DPP10: variants seen among roughly 807,000 people sequenced by gnomAD.
The protein encoded by DPP10 is dipeptidyl peptidase like 10, also known as inactive dipeptidyl peptidase 10.
DPP10 carries 33 observed loss-of-function variants against 120.9 expected under a neutral mutation model. The ratio of observed to expected loss-of-function variants is 0.27; its 90% confidence interval spans 0.21 to 0.37. The LOEUF (loss-of-function observed/expected upper bound fraction) is 0.37, where lower values mean the gene tolerates loss of function less well. Ranked by LOEUF, DPP10 falls within the 10% of genes least tolerant of loss-of-function variation. DPP10 has a pLI of 1.00. For synonymous variants in DPP10, 337 were observed against 326.1 expected (o/e 1.03, Z -0.36); for missense variants, 816 against 942.8 (o/e 0.87, Z 1.76).
At chr2:114,706,383 A>G (rs1261642517) in intron 1 of DPP10, among the ~76,000 whole-genome samples, 1 of 152,222 alleles carries the variant, frequency 6.6e-6, no homozygotes, top group Non-Finnish European at 1.5e-5. Context: ...TCTGGAAGCC[A>G]GAATTCAAAA....
intron 13 of DPP10, among the ~76,000 whole-genome samples, chr2:115,774,565 G>A (rs570181772): frequency 1.4e-4 from 21 of 152,004 alleles, no homozygotes; most frequent in African/African-American, 5.1e-4. Flanking sequence ...TCACAAATTG[G>A]GTGTCTTTGC....
At chr2:115,225,804 A>T (rs1381914686) in intron 1 of DPP10, among the ~76,000 whole-genome samples, 1 of 150,288 alleles carries the variant, frequency 6.7e-6, no homozygotes, top group Non-Finnish European at 1.5e-5. Flanking sequence ...ATTGAAAAAG[A>T]TTTTTTTTTT....
chr2:115,593,174 G>A (rs574197851), intron 5 of DPP10, among the ~76,000 whole-genome samples: 1 of 152,148 alleles, frequency 6.6e-6, no homozygotes, highest in Non-Finnish European at 1.5e-5. Flanking sequence ...AAACAATTGT[G>A]TCTCATTCCA....
At chr2:114,653,391 G>A (rs1161676088) in intron 1 of DPP10, among the ~76,000 whole-genome samples, 1 of 152,054 alleles carries the variant, frequency 6.6e-6, no homozygotes, top group African/African-American at 2.4e-5. Flanking sequence ...TGGAGCCTGT[G>A]GAAACCGATT....
chr2:115,388,452 A>T (rs1201306594), intron 3 of DPP10, among the ~76,000 whole-genome samples: 2 of 152,286 alleles, frequency 1.3e-5, no homozygotes, highest in East Asian at 3.9e-4. Flanking sequence ...GCAGGGCATG[A>T]TTATAGTAAG....
chr2:114,449,916 G>A (rs574395357), intron 1 of DPP10, among the ~76,000 whole-genome samples: 1 of 152,064 alleles, frequency 6.6e-6, no homozygotes, highest in South Asian at 2.1e-4. Flanking sequence ...TTCTAATATT[G>A]TAGTAACATC....
intron 1 of DPP10, among the ~76,000 whole-genome samples, chr2:115,140,718 G>A (rs1035296595): frequency 1.3e-5 from 2 of 152,122 alleles, no homozygotes; most frequent in African/African-American, 4.8e-5. Context: ...ACTGGGGGTA[G>A]TGTGTGATAG....
At chr2:114,917,343 T>G (rs1215125250) in intron 1 of DPP10, among the ~76,000 whole-genome samples, 1 of 152,162 alleles carries the variant, frequency 6.6e-6, no homozygotes, top group African/African-American at 2.4e-5. Flanking sequence ...TGGAAAAACA[T>G]TCCATGCTCA....
chr2:115,408,630 TC>T (rs2068708054), intron 3 of DPP10, among the ~76,000 whole-genome samples: 1 of 152,194 alleles, frequency 6.6e-6, no homozygotes. Flanking sequence ...TATTCTCTGA[TC>T]CCAATACAAT....
chr2:115,672,320 A>G (rs1472222562), intron 5 of DPP10, among the ~76,000 whole-genome samples: 2 of 151,332 alleles, frequency 1.3e-5, no homozygotes, highest in South Asian at 2.1e-4. Context: ...TGTACAAAAT[A>G]CTCTATTTTT....
intron 2 of DPP10, among the ~76,000 whole-genome samples, chr2:115,326,429 C>T (rs1315453217): frequency 6.6e-6 from 1 of 152,020 alleles, no homozygotes; most frequent in Non-Finnish European, 1.5e-5. Flanking sequence ...TAATAGACTA[C>T]TACATTACTG....
chr2:115,425,291 G>A (rs1210248581), intron 3 of DPP10, among the ~76,000 whole-genome samples: 2 of 152,268 alleles, frequency 1.3e-5, no homozygotes, highest in South Asian at 4.1e-4. Context: ...CATTAAAAAT[G>A]ATTTTGAATT....
intron 3 of DPP10, among the ~76,000 whole-genome samples, chr2:115,361,173 C>G: frequency 6.6e-6 from 1 of 151,934 alleles, no homozygotes. Flanking sequence ...GCTGTGCCAT[C>G]CCATGATCCC....
intron 1 of DPP10, among the ~76,000 whole-genome samples, chr2:114,834,491 C>T (rs957444699): frequency 1.3e-5 from 2 of 149,180 alleles, no homozygotes; most frequent in South Asian, 2.1e-4. Flanking sequence ...TATATATAAG[C>T]CATATCTACG....
intron 1 of DPP10, among the ~76,000 whole-genome samples, chr2:114,784,894 C>A (rs1389160754): frequency 6.6e-6 from 1 of 152,224 alleles, no homozygotes; most frequent in Non-Finnish European, 1.5e-5. Flanking sequence ...ATTCACATTA[C>A]TCTTCTCTGC....
intron 1 of DPP10, among the ~76,000 whole-genome samples, chr2:114,552,553 CT>C (rs1345072105): frequency 4.0e-4 from 59 of 148,076 alleles, no homozygotes; most frequent in Non-Finnish European, 5.3e-4. Context: ...TTCTCTTTTT[CT>C]TTTTTTTTTA....
chr2:114,660,155 A>C (rs1000171868), intron 1 of DPP10, among the ~76,000 whole-genome samples: 2 of 152,238 alleles, frequency 1.3e-5, no homozygotes, highest in African/African-American at 2.4e-5. Context: ...ACAGGAGCCA[A>C]GAAACAGGGA....
intron 3 of DPP10, among the ~76,000 whole-genome samples, chr2:115,480,078 G>T (rs1409785262): frequency 6.6e-6 from 1 of 152,022 alleles, no homozygotes; most frequent in African/African-American, 2.4e-5. Context: ...GCTATAAGGG[G>T]GTGGAGATCA....
intron 1 of DPP10, among the ~76,000 whole-genome samples, chr2:115,212,417 T>C (rs2056574598): frequency 1.3e-5 from 2 of 152,182 alleles, no homozygotes; most frequent in Non-Finnish European, 1.5e-5. Flanking sequence ...CTTAAGTTAC[T>C]ATAGTCAAAA....
Sources: allele counts gnomAD v4.1 joint callset (sites outside exome capture counted in the v4.1 genomes callset), GRCh38; gene constraint gnomAD v4.1.1; transcripts MANE v1.5; gene names NCBI Gene and HGNC (gene_info 2026-07-23, HGNC 2026-07-21).